The following TMEM132B variants were observed in gnomAD, a reference collection of about 807,000 sequenced individuals.
TMEM132B encodes transmembrane protein 132B.
In TMEM132B, 18 loss-of-function variants were observed where a neutral mutation model predicts 90.8. The ratio of observed to expected loss-of-function variants is 0.20; its 90% CI spans 0.14 to 0.29. TMEM132B has a LOEUF of 0.29. TMEM132B is among the 10% of genes least tolerant of loss of function. TMEM132B has a pLI of 1.00. For missense variants in TMEM132B, 1,096 were observed against 1,326.8 expected (o/e 0.83, Z 2.70); for synonymous variants, 504 against 523.3 (o/e 0.96, Z 0.50).
Position 125,240,106 on chromosome 12 carries a change from G to A in TMEM132B, c.67+53240G>A, listed in dbSNP as rs188014569. On this transcript the variant is annotated intron_variant, in intron 1 of 8. Transcript: ENST00000682704. ...CGTTTCCGGAACGTTGACCTGTAGA[G>A]CTCATTCCTTCCACCTTCTGGTGAT... Among the ~76,000 whole-genome samples the A allele has an allele frequency of 2.0e-5, 3 of 152,304 alleles. No individual in the cohort carries two copies. The East Asian group carries it at 5.8e-4, about 29-fold the overall frequency.
chr12:125,261,694 T>A (rs1481282740), intron 1 of TMEM132B, among the ~76,000 whole-genome samples: 1 of 152,228 alleles, frequency 6.6e-6, no homozygotes, highest in Non-Finnish European at 1.5e-5. Flanking sequence ...GGTTTCAGAA[T>A]ATCTGGAGTG....
intron 3 of TMEM132B, among the ~76,000 whole-genome samples, chr12:125,493,719 T>G (rs1422497090): frequency 6.6e-6 from 1 of 151,972 alleles, no homozygotes; most frequent in Non-Finnish European, 1.5e-5. Context: ...CCCCTCCTTC[T>G]GCTTCTCTGC....
intron 5 of TMEM132B, among the ~76,000 whole-genome samples, chr12:125,593,501 C>G (rs1384880248): frequency 6.6e-6 from 1 of 152,186 alleles, no homozygotes; most frequent in Non-Finnish European, 1.5e-5. Context: ...TCCATCTAGT[C>G]TTCTCCATCC....
chr12:125,432,111 G>T (rs983664701), intron 3 of TMEM132B, among the ~76,000 whole-genome samples: 5 of 151,944 alleles, frequency 3.3e-5, no homozygotes, highest in Non-Finnish European at 5.9e-5. Context: ...ACAGGGGCTT[G>T]ATTTTGTATG....
chr12:125,320,120 A>G (rs1432188726), intron 1 of TMEM132B, among the ~76,000 whole-genome samples: 1 of 152,114 alleles, frequency 6.6e-6, no homozygotes, highest in Non-Finnish European at 1.5e-5. Flanking sequence ...TGGGTCCTGC[A>G]CTGAGCTTTG....
intron 2 of TMEM132B, among the ~76,000 whole-genome samples, chr12:125,404,649 C>T (rs1002361665): frequency 2.0e-5 from 3 of 152,074 alleles, no homozygotes; most frequent in Admixed American, 2.0e-4. Flanking sequence ...TGTTATTATC[C>T]ACATTTTACA....
intron 4 of TMEM132B, among the ~76,000 whole-genome samples, chr12:125,545,317 T>C (rs1358315146): frequency 1.3e-5 from 2 of 152,230 alleles, no homozygotes; most frequent in African/African-American, 2.4e-5. Flanking sequence ...CTTTCTGGTA[T>C]TCTGTACAGT....
intron 3 of TMEM132B, among the ~76,000 whole-genome samples, chr12:125,452,387 T>C (rs1202023899): frequency 3.9e-5 from 6 of 152,252 alleles, no homozygotes; most frequent in Non-Finnish European, 8.8e-5. Flanking sequence ...CATTCTTGCA[T>C]TGACAGACAT....
chr12:125,659,477 C>A lies in TMEM132B; in HGVS notation c.*4767C>A, dbSNP rs967612286. 1 of 152,250 alleles carries A rather than the reference C, an allele frequency of 6.6e-6. No homozygotes were observed. The highest frequency in any genetic ancestry group is 2.4e-5 in the African/African-American group (1 of 41,424). The allele number at this position is 152,250 out of a possible 1,614,324, so 9.4% of individuals were successfully genotyped here. ...AGGGTGCTGAGCTTTCCAGAACAGG[C>A]AGAGCTCTAGAGACCTAAGAAAACC... is the stretch of plus-strand genomic sequence containing the variant. On this transcript the variant is annotated 3_prime_UTR_variant, in exon 9 of 9. Coordinates refer to ENST00000682704, the MANE Select transcript of TMEM132B (RefSeq NM_001366854.1).
At chr12:125,525,496 C>T (rs1398993084) in intron 4 of TMEM132B, among the ~76,000 whole-genome samples, 1 of 152,234 alleles carries the variant, frequency 6.6e-6, no homozygotes, top group Non-Finnish European at 1.5e-5. Flanking sequence ...CTGGAAGACG[C>T]AGCAACAAGG....
chr12:125,634,804 A>G (rs975714652), intron 5 of TMEM132B, among the ~76,000 whole-genome samples: 2 of 152,182 alleles, frequency 1.3e-5, no homozygotes, highest in African/African-American at 2.4e-5. Context: ...AAGATGCAAG[A>G]CAAAGTTCTC....
At chr12:125,278,132 G>C (rs1403387474) in intron 1 of TMEM132B, among the ~76,000 whole-genome samples, 1 of 152,216 alleles carries the variant, frequency 6.6e-6, no homozygotes, top group Non-Finnish European at 1.5e-5. Flanking sequence ...AACTACAGCC[G>C]GTGGGTCAAA....
intron 5 of TMEM132B, among the ~76,000 whole-genome samples, chr12:125,625,599 C>G (rs1886215420): frequency 6.6e-6 from 1 of 152,194 alleles, no homozygotes; most frequent in Admixed American, 6.5e-5. Flanking sequence ...ATTTTTGACA[C>G]TTCTGAACAC....
chr12:125,330,047 C>T (rs548908144), intron 1 of TMEM132B, among the ~76,000 whole-genome samples: 1 of 152,182 alleles, frequency 6.6e-6, no homozygotes, highest in Admixed American at 6.6e-5. Flanking sequence ...CGCTGTGGTC[C>T]GACGATCTGT....
At chr12:125,524,043 G>T (rs1342637944) in intron 4 of TMEM132B, among the ~76,000 whole-genome samples, 1 of 152,204 alleles carries the variant, frequency 6.6e-6, no homozygotes, top group Admixed American at 6.5e-5. Context: ...CTAATCCTGG[G>T]ACTGGGAGGA....
chr12:125,196,703 G>A (rs562073974), intron 1 of TMEM132B, among the ~76,000 whole-genome samples: 2 of 152,114 alleles, frequency 1.3e-5, no homozygotes, highest in Non-Finnish European at 2.9e-5. Flanking sequence ...GCAAGACTCC[G>A]TCACAAAAAG....
chr12:125,284,109 A>G (rs12370769), intron 1 of TMEM132B, among the ~76,000 whole-genome samples: 10,469 of 152,188 alleles, frequency 0.069, 379 homozygotes, highest in Non-Finnish European at 0.081. Flanking sequence ...TAGAGGTAAG[A>G]GATTTTTCCT....
At chr12:125,479,965 C>T (rs933356608) in intron 3 of TMEM132B, among the ~76,000 whole-genome samples, 6 of 152,246 alleles carry the variant, frequency 3.9e-5, no homozygotes, top group South Asian at 2.1e-4. Flanking sequence ...CACTCAAAAC[C>T]GCACAACTAC....
intron 1 of TMEM132B, among the ~76,000 whole-genome samples, chr12:125,321,858 A>G (rs546626133): frequency 4.9e-4 from 74 of 152,314 alleles, no homozygotes; most frequent in Non-Finnish European, 4.7e-4. Context: ...CTTTAAAAAA[A>G]AAAAGACCTG....
Sources: gnomAD v4.1 joint callset for allele counts (sites outside exome capture counted in the v4.1 genomes callset) on GRCh38, gnomAD v4.1.1 for gene constraint, MANE v1.5 for transcripts, NCBI Gene and HGNC (gene_info 2026-07-23, HGNC 2026-07-21) for gene names.